The following GPSM2 variants were observed in gnomAD, a reference collection of about 807,000 sequenced individuals.
GPSM2 encodes the protein G protein-signaling modulator 2.
A neutral mutation model predicts 78.4 loss-of-function variants in GPSM2; 58 were observed. The observed-to-expected ratio is 0.74, with a 90% confidence interval of 0.60 to 0.92. The LOEUF (loss-of-function observed/expected upper bound fraction) is 0.92, where lower values mean the gene tolerates loss of function less well. GPSM2 is among the 40% of genes least tolerant of loss of function. The pLI is 0.00. For missense variants in GPSM2, 700 were observed against 815.5 expected (o/e 0.86, Z 1.73); for synonymous variants, 224 against 280.2 (o/e 0.80, Z 2.00).
At chr1:108,921,610 G>A (rs530676283) in intron 12 of GPSM2, among the ~76,000 whole-genome samples, 1 of 152,170 alleles carries the variant, frequency 6.6e-6, no homozygotes, top group African/African-American at 2.4e-5. Context: ...TGAATACAAA[G>A]GCCTCTTCCC....
chr1:108,929,400 G>C (rs183539781), intron 14 of GPSM2: 1 of 367,324 alleles, frequency 2.7e-6, no homozygotes, highest in East Asian at 6.2e-5. Flanking sequence ...TTTTATCCTT[G>C]TGACCAATTA....
Position 108,929,938 on chromosome 1 carries a change from T to C in GPSM2, c.2053T>C (p.Ter685GlnextTer13). The C allele has an allele frequency of 6.2e-7, 1 of 1,612,784 alleles. No individual in the cohort carries two copies. The highest frequency in any genetic ancestry group is 8.5e-7 in the Non-Finnish European group (1 of 1,178,918). ...KNSGKKSADH[*>Q] ...TTCAGGGAAAAAATCGGCAGACCAT[T>C]AGTTACTATGGATTTATTTTTTTTC... The change falls in exon 15 of 15, where the codon TAG becomes CAG. Residue 685 changes from the stop codon to glutamine (Q), a stop_lost. Transcript: ENST00000264126.
At chr1:108,883,281 CT>C (rs1379314901) in intron 1 of GPSM2, among the ~76,000 whole-genome samples, 3 of 152,146 alleles carry the variant, frequency 2.0e-5, no homozygotes, top group Admixed American at 1.3e-4. Flanking sequence ...TAACTTCTAG[CT>C]GTACTTAATT....
At chr1:108,915,626 C>T (rs978959539) in intron 11 of GPSM2, among the ~76,000 whole-genome samples, 3 of 151,438 alleles carry the variant, frequency 2.0e-5, no homozygotes, top group Non-Finnish European at 4.4e-5. Context: ...AGGGTTTCAC[C>T]GTGTTGGCCA....
At chr1:108,904,906 A>G (rs1431686770) in intron 10 of GPSM2, among the ~76,000 whole-genome samples, 1 of 152,174 alleles carries the variant, frequency 6.6e-6, no homozygotes, top group Non-Finnish European at 1.5e-5. Context: ...TAAGATTAGG[A>G]TCACATTTTT....
At position 108,896,886 on chromosome 1, in the gene GPSM2, C is replaced by T. The variant is rs777024358; in HGVS notation, c.79C>T (p.Leu27=). 1 of 1,613,632 alleles carries T rather than the reference C, an allele frequency of 6.2e-7. No homozygotes were observed. The highest frequency in any genetic ancestry group is 1.7e-5 in the Admixed American group (1 of 60,020). ...RYRMEASCLE[L]ALEGERLCKS... is the part of the protein sequence containing the mutation. Reference sequence around the variant, plus strand: ...TAGAATGGAAGCTTCTTGCCTAGAGCTGGCCTTGGAAGGGGAACGTCTATG... The same window carrying T: ...TAGAATGGAAGCTTCTTGCCTAGAGTTGGCCTTGGAAGGGGAACGTCTATG... Residue 27 remains leucine (L), a synonymous_variant, in exon 3 of 15, where the codon CTG becomes TTG. Transcript: ENST00000264126.
intron 2 of GPSM2, among the ~76,000 whole-genome samples, chr1:108,896,601 T>C (rs1648385000): frequency 6.6e-6 from 1 of 152,200 alleles, no homozygotes; most frequent in Admixed American, 6.6e-5. Flanking sequence ...CGTGGATTGC[T>C]CTGGGCCAAT....
intron 11 of GPSM2, among the ~76,000 whole-genome samples, chr1:108,918,311 C>T (rs1407645030): frequency 6.6e-6 from 1 of 152,114 alleles, no homozygotes; most frequent in Non-Finnish European, 1.5e-5. Flanking sequence ...AACTTTGGCT[C>T]CTTCTCTGAC....
intron 2 of GPSM2, among the ~76,000 whole-genome samples, chr1:108,892,242 C>T (rs1285334272): frequency 6.6e-6 from 1 of 152,068 alleles, no homozygotes; most frequent in Non-Finnish European, 1.5e-5. Context: ...CAAATCTGGA[C>T]AAAATTGATG....
chr1:108,913,957 A>G (rs901536635), intron 10 of GPSM2, among the ~76,000 whole-genome samples: 1 of 152,162 alleles, frequency 6.6e-6, no homozygotes, highest in Non-Finnish European at 1.5e-5. Context: ...CTTTTCACGC[A>G]ATTGAAGGCC....
chr1:108,917,171 AAAC>A (rs1650293287), intron 11 of GPSM2, among the ~76,000 whole-genome samples: 1 of 152,106 alleles, frequency 6.6e-6, no homozygotes, highest in Non-Finnish European at 1.5e-5. Flanking sequence ...CCTTTTCTCT[AAAC>A]AATAGACCAC....
At chr1:108,904,023 C>G (rs933670019) in intron 9 of GPSM2, 102 bp from the exon 10 acceptor site, 4 of 795,500 alleles carry the variant, frequency 5.0e-6, no homozygotes, top group African/African-American at 3.4e-5. Flanking sequence ...ATTTTCATTT[C>G]TCTATATTTT....
At chr1:108,882,382 A>G (rs1036669603) in intron 1 of GPSM2, among the ~76,000 whole-genome samples, 7 of 152,342 alleles carry the variant, frequency 4.6e-5, no homozygotes, top group African/African-American at 1.7e-4. Flanking sequence ...ACCTATACGC[A>G]TCTTCCCACA....
intron 14 of GPSM2, chr1:108,924,415 T>A: frequency 3.1e-6 from 2 of 639,128 alleles, no homozygotes; most frequent in Non-Finnish European, 5.7e-6. Context: ...TTTTAAAGGA[T>A]CTTACATTTT....
intron 10 of GPSM2, among the ~76,000 whole-genome samples, chr1:108,912,772 A>T (rs905416623): frequency 2.7e-5 from 4 of 150,732 alleles, no homozygotes; most frequent in Admixed American, 6.6e-5. Flanking sequence ...CCGGCCAGGC[A>T]TGGTGGCTCA....
rs772275332 is a variant in GPSM2 at position 108,922,586 on chromosome 1, C to T, written c.1600+10C>T. 6.9e-6 allele frequency: 11 copies of T among 1,602,812 alleles called. No individual in the cohort carries two copies. The highest frequency in any genetic ancestry group is 3.4e-6 in the Non-Finnish European group (4 of 1,170,070). Reference sequence around the variant, plus strand: ...AAAATGATGCTAAAAAGTAAGTCATCTCTGTTTCTCCCCCGATTTTAATAG... The same window carrying T: ...AAAATGATGCTAAAAAGTAAGTCATTTCTGTTTCTCCCCCGATTTTAATAG... On this transcript the variant is annotated intron_variant, in intron 13 of 14. Coordinates refer to ENST00000264126, the MANE Select transcript of GPSM2 (RefSeq NM_013296.5).
chr1:108,926,442 CAAG>C (rs1361194203), intron 14 of GPSM2: 3 of 152,130 alleles, frequency 2.0e-5, no homozygotes, highest in African/African-American at 7.2e-5. Context: ...ACAGACACTA[CAAG>C]AAAAGTACTG....
At chr1:108,886,142 G>A (rs1003386829) in intron 2 of GPSM2, among the ~76,000 whole-genome samples, 4 of 152,092 alleles carry the variant, frequency 2.6e-5, no homozygotes, top group Non-Finnish European at 4.4e-5. Context: ...CAATCCTCCT[G>A]CCTCAGCCTC....
At chr1:108,896,070 CA>C (rs1335894594) in intron 2 of GPSM2, among the ~76,000 whole-genome samples, 6 of 152,134 alleles carry the variant, frequency 3.9e-5, no homozygotes. Flanking sequence ...TGAAGAAACA[CA>C]ATGGCAACTT....
Sources: allele counts gnomAD v4.1 joint callset (sites outside exome capture counted in the v4.1 genomes callset), GRCh38; gene constraint gnomAD v4.1.1; transcripts MANE v1.5; gene names NCBI Gene and HGNC (gene_info 2026-07-23, HGNC 2026-07-21).